Variants in NLGN1 observed in about 807,000 individuals in gnomAD.
NLGN1 encodes the protein neuroligin-1.
Under a neutral mutation model 65.5 loss-of-function variants are expected in NLGN1, and 12 were observed. The ratio of observed to expected loss-of-function variants is 0.18; its 90% CI spans 0.12 to 0.30. NLGN1 has a LOEUF of 0.30. NLGN1 is among the 10% of genes least tolerant of loss of function. The pLI is 1.00. For synonymous variants in NLGN1, 350 were observed against 359.5 expected, an observed-to-expected ratio of 0.97 and a Z score of 0.30; for missense variants, 750 against 1,007.1, an observed-to-expected ratio of 0.74 and a Z score of 3.46.
chr3:174,283,345 AAAAG>A (rs939870057), exon 7 of NLGN1: 3 of 151,498 alleles, frequency 2.0e-5, no homozygotes, highest in East Asian at 3.9e-4. Flanking sequence ...ATCCATGAAA[AAAAG>A]AAAGATTAGC....
chr3:173,559,225 G>T (rs1003239913), intron 2 of NLGN1, among the ~76,000 whole-genome samples: 3 of 152,200 alleles, frequency 2.0e-5, no homozygotes, highest in African/African-American at 7.2e-5. Flanking sequence ...TCCACTACTG[G>T]TTTCTTGGCA....
chr3:174,064,957 TA>T (rs1290885931), intron 4 of NLGN1, among the ~76,000 whole-genome samples: 7 of 151,420 alleles, frequency 4.6e-5, no homozygotes, highest in African/African-American at 1.5e-4. Flanking sequence ...TATAAAACAT[TA>T]AAAAATATCT....
intron 1 of NLGN1, among the ~76,000 whole-genome samples, chr3:173,422,690 A>C (rs1416194523): frequency 6.6e-6 from 1 of 152,026 alleles, no homozygotes; most frequent in African/African-American, 2.4e-5. Flanking sequence ...ATCTCATTGC[A>C]GTTTTGATTT....
intron 4 of NLGN1, among the ~76,000 whole-genome samples, chr3:173,929,267 C>A (rs1192543773): frequency 6.6e-6 from 1 of 152,150 alleles, no homozygotes; most frequent in African/African-American, 2.4e-5. Context: ...AAACTTGTAA[C>A]CATTGCAGGA....
intron 2 of NLGN1, among the ~76,000 whole-genome samples, chr3:173,524,859 A>G (rs1735363096): frequency 6.6e-6 from 1 of 152,140 alleles, no homozygotes; most frequent in Admixed American, 6.5e-5. Context: ...TATGTGATGG[A>G]TCACATTTAT....
At chr3:173,995,239 C>T (rs1488207634) in intron 4 of NLGN1, among the ~76,000 whole-genome samples, 1 of 152,184 alleles carries the variant, frequency 6.6e-6, no homozygotes, top group Non-Finnish European at 1.5e-5. Context: ...AAACTAGAGC[C>T]AGGGGCCTCA....
intron 4 of NLGN1, among the ~76,000 whole-genome samples, chr3:173,905,543 A>G (rs1738217106): frequency 6.6e-6 from 1 of 152,200 alleles, no homozygotes; most frequent in African/African-American, 2.4e-5. Flanking sequence ...TTAAGAGAGA[A>G]GAGAGACCTC....
intron 4 of NLGN1, among the ~76,000 whole-genome samples, chr3:174,080,247 C>T (rs367964430): frequency 2.2e-4 from 33 of 152,156 alleles, no homozygotes; most frequent in East Asian, 1.7e-3. Flanking sequence ...GTTCTGTTAC[C>T]GGCAGCAAAT....
At chr3:173,973,874 G>T (rs536309149) in intron 4 of NLGN1, among the ~76,000 whole-genome samples, 21 of 151,912 alleles carry the variant, frequency 1.4e-4, no homozygotes, top group Middle Eastern at 3.4e-3. Flanking sequence ...GTGTTTTTCT[G>T]GTTACACCCT....
intron 4 of NLGN1, among the ~76,000 whole-genome samples, chr3:174,185,695 T>G (rs1489104632): frequency 6.6e-6 from 1 of 152,016 alleles, no homozygotes; most frequent in East Asian, 1.9e-4. Context: ...AGTAACAAAT[T>G]TAATGGTGTC....
rs144201852 is a variant in NLGN1, at chr3:174,076,991, A to C, written c.647-198324A>C. 7.0e-4 allele frequency among the ~76,000 whole-genome samples: 107 copies of C among 152,300 alleles called. 1 individual carries two copies. The East Asian group carries it at 0.019, about 27-fold the overall frequency. ...ATCCAAAGCAGCTCCAAGTATGTTC[A>C]GCTTGTGAACAATTAACATACAGAA... On this transcript the variant is annotated intron_variant, in intron 4 of 6. Coordinates refer to ENST00000457714, the Ensembl canonical transcript of NLGN1.
intron 2 of NLGN1, among the ~76,000 whole-genome samples, chr3:173,550,518 A>G (rs1176446150): frequency 6.6e-6 from 1 of 152,138 alleles, no homozygotes; most frequent in African/African-American, 2.4e-5. Flanking sequence ...CCTTTAACAC[A>G]TAGGAGCTCT....
At chr3:174,259,664 T>C (rs988732238) in intron 4 of NLGN1, among the ~76,000 whole-genome samples, 1 of 145,450 alleles carries the variant, frequency 6.9e-6, no homozygotes, top group African/African-American at 2.6e-5. Flanking sequence ...ACAAACATGT[T>C]TCTTACCCTT....
chr3:173,909,182 G>A (rs1560606663), intron 4 of NLGN1, among the ~76,000 whole-genome samples: 1 of 152,156 alleles, frequency 6.6e-6, no homozygotes, highest in East Asian at 1.9e-4. Flanking sequence ...GCAGAACGAT[G>A]CAAGGAAAGT....
chr3:173,878,819 T>C (rs13323687), intron 4 of NLGN1, among the ~76,000 whole-genome samples: 2,673 of 152,200 alleles, frequency 0.018, 60 homozygotes, highest in Middle Eastern at 0.062. Context: ...TCATATTTCG[T>C]AGGATAAATT....
At chr3:173,643,894 TTCTC>T (rs1429145898) in intron 3 of NLGN1, among the ~76,000 whole-genome samples, 4 of 152,066 alleles carry the variant, frequency 2.6e-5, no homozygotes, top group African/African-American at 9.7e-5. Context: ...ACACTTGACT[TTCTC>T]TCTATTTTAA....
At chr3:173,502,806 A>G (rs1050127203) in intron 2 of NLGN1, among the ~76,000 whole-genome samples, 3 of 152,144 alleles carry the variant, frequency 2.0e-5, no homozygotes, top group Non-Finnish European at 4.4e-5. Context: ...CCTATATGAC[A>G]TTCACAAAGG....
At chr3:173,570,384 G>A (rs368638769) in intron 2 of NLGN1, among the ~76,000 whole-genome samples, 6 of 152,314 alleles carry the variant, frequency 3.9e-5, no homozygotes, top group Admixed American at 1.3e-4. Flanking sequence ...TGGGCAGGAA[G>A]GGAAGTGGCC....
At chr3:173,891,831 A>G (rs956880400) in intron 4 of NLGN1, among the ~76,000 whole-genome samples, 5 of 152,202 alleles carry the variant, frequency 3.3e-5, no homozygotes, top group Admixed American at 6.5e-5. Context: ...TAATCAAGTC[A>G]CAACAATGCC....
Sources: gnomAD v4.1 joint callset for allele counts (sites outside exome capture counted in the v4.1 genomes callset) on GRCh38, gnomAD v4.1.1 for gene constraint, MANE v1.5 for transcripts, NCBI Gene and HGNC (gene_info 2026-07-23, HGNC 2026-07-21) for gene names.